Variants in CCL28 observed in about 807,000 individuals in gnomAD.
CCL28 encodes the protein C-C motif chemokine ligand 28, also known as C-C motif chemokine 28.
In CCL28, 4 loss-of-function variants were observed where a neutral mutation model predicts 7.1. That is an observed-to-expected ratio of 0.56 (90% CI 0.28 to 1.29). The LOEUF (loss-of-function observed/expected upper bound fraction) is 1.29. CCL28 is among the 50% of genes most tolerant of loss of function. The pLI is 0.11. For synonymous variants in CCL28, 55 were observed against 57.8 expected, an observed-to-expected ratio of 0.95 and a Z score of 0.22; for missense variants, 151 against 163.4, an observed-to-expected ratio of 0.92 and a Z score of 0.41.
downstream of CCL28, among the ~76,000 whole-genome samples, chr5:43,374,578 C>T (rs1477327316): frequency 6.6e-6 from 1 of 152,062 alleles, no homozygotes; most frequent in Non-Finnish European, 1.5e-5. Context: ...GTCAGAAGTT[C>T]AAGACCAGCC....
chr5:43,404,339 G>A (rs754114393), intron 1 of CCL28, among the ~76,000 whole-genome samples: 2 of 152,226 alleles, frequency 1.3e-5, no homozygotes, highest in Non-Finnish European at 2.9e-5. Context: ...CCAGAAGAGA[G>A]TAGGGGCCAA....
chr5:43,408,504 G>C (rs111867239), intron 1 of CCL28, among the ~76,000 whole-genome samples: 1 of 152,138 alleles, frequency 6.6e-6, no homozygotes, highest in Non-Finnish European at 1.5e-5. Context: ...TGGGGGGAGC[G>C]GGGAGGGATA....
chr5:43,411,950 G>A (rs1741550208), intron 1 of CCL28, among the ~76,000 whole-genome samples: 1 of 152,118 alleles, frequency 6.6e-6, no homozygotes, highest in African/African-American at 2.4e-5. Context: ...CTCTAGCTGG[G>A]GATTTTCTAA....
chr5:43,412,295 T>G lies in CCL28; in HGVS notation c.22A>C (p.Ile8Leu), dbSNP rs760055890. The stretch of plus-strand genomic sequence containing the variant: ...GCCGCACAGACAGCCAAGGCCACGA[T>G]GGCGAGTCCTCTCTGCTGCATTCCT... Reference protein sequence around the residue: MQQRGLAIVALAVCAALH... With the variant: MQQRGLALVALAVCAALH... The change falls in exon 1 of 3, where the codon ATC becomes CTC. Residue 8 changes from isoleucine to leucine, a missense_variant. Ile to Leu is a conservative substitution (Grantham distance 5). Coordinates refer to ENST00000361115, the MANE Select transcript of CCL28 (RefSeq NM_148672.3). 1 of 1,613,144 alleles carries G rather than the reference T, an allele frequency of 6.2e-7. No individual in the cohort carries two copies. The highest frequency in any genetic ancestry group is 8.5e-7 in the Non-Finnish European group (1 of 1,179,546).
chr5:43,388,651 A>C (rs908053178), intron 1 of CCL28, among the ~76,000 whole-genome samples, 175 bp from the exon 2 acceptor site: 2 of 152,228 alleles, frequency 1.3e-5, no homozygotes, highest in Admixed American at 1.3e-4. Flanking sequence ...AATTTAAGCT[A>C]TATTTGTGAA....
At chr5:43,399,309 TATTA>T (rs566096265) in intron 1 of CCL28, among the ~76,000 whole-genome samples, 314 of 152,318 alleles carry the variant, frequency 2.1e-3, no homozygotes, top group African/African-American at 7.1e-3. Context: ...TTCAGGACCT[TATTA>T]ATTGACTTCT....
intron 1 of CCL28, among the ~76,000 whole-genome samples, chr5:43,403,721 G>A (rs1206993224): frequency 2.0e-5 from 3 of 152,188 alleles, no homozygotes; most frequent in Admixed American, 6.5e-5. Flanking sequence ...CGAGCTAAAG[G>A]AGGAAGTTCG....
At chr5:43,374,780 CAA>C (rs10540720), downstream of CCL28, among the ~76,000 whole-genome samples, 53,348 of 109,172 alleles carry the variant, frequency 0.49, 10,580 homozygotes, top group Middle Eastern at 0.54. Flanking sequence ...GACTCTGTCT[CAA>C]AAAAAAAAAA....
chr5:43,367,163 C>T, the CCL28 span, among the ~76,000 whole-genome samples: 1 of 152,222 alleles, frequency 6.6e-6, no homozygotes, highest in South Asian at 2.1e-4. Flanking sequence ...TATTAGCTTG[C>T]TGGGCTCTGT....
At chr5:43,402,221 G>A (rs570395737) in intron 1 of CCL28, among the ~76,000 whole-genome samples, 4 of 152,244 alleles carry the variant, frequency 2.6e-5, no homozygotes, top group African/African-American at 9.6e-5. Flanking sequence ...TGGAATATCT[G>A]CTTTTCCTAC....
Position 43,390,934 on chromosome 5 carries a change from C to T in CCL28, c.65-2458G>A, listed in dbSNP as rs574870702. Among the ~76,000 whole-genome samples the T allele has an allele frequency of 9.2e-5, 14 of 152,258 alleles. No individual in the cohort carries two copies. The South Asian group carries it at 2.7e-3, about 29-fold the overall frequency. ...GTTCCATGGGTAGCATCTGATGTGT[C>T]TATGCAGTGAATTGAAATCAGTATT... On this transcript the variant is annotated intron_variant, in intron 1 of 2. Transcript: ENST00000361115.
chr5:43,397,477 G>A (rs1740861036), intron 1 of CCL28, among the ~76,000 whole-genome samples: 1 of 151,832 alleles, frequency 6.6e-6, no homozygotes, highest in African/African-American at 2.4e-5. Flanking sequence ...AGACGCCCAA[G>A]TACCCTCCTG....
At chr5:43,361,167 C>T in the CCL28 span, among the ~76,000 whole-genome samples, 1 of 152,166 alleles carries the variant, frequency 6.6e-6, no homozygotes, top group South Asian at 2.1e-4. Flanking sequence ...CTTTTTATGG[C>T]TGCATAATAT....
At chr5:43,401,047 CACTCCAGTG>C (rs1485235214) in intron 1 of CCL28, among the ~76,000 whole-genome samples, 3 of 149,544 alleles carry the variant, frequency 2.0e-5, no homozygotes, top group Non-Finnish European at 4.4e-5. Context: ...CACGCCACTG[CACTCCAGTG>C]TGGGCAACAG....
intron 2 of CCL28, among the ~76,000 whole-genome samples, chr5:43,385,071 G>A (rs1032182646): frequency 3.3e-5 from 5 of 152,072 alleles, no homozygotes; most frequent in African/African-American, 1.2e-4. Flanking sequence ...TAATTTTTTT[G>A]TATTTTTAGT....
the CCL28 span, among the ~76,000 whole-genome samples, chr5:43,359,239 C>CT: frequency 6.6e-6 from 1 of 152,168 alleles, no homozygotes; most frequent in Non-Finnish European, 1.5e-5. Flanking sequence ...GACTCATAGC[C>CT]TTCAGAGCTG....
intron 1 of CCL28, among the ~76,000 whole-genome samples, chr5:43,396,469 T>TG (rs1453142312): frequency 6.6e-6 from 1 of 152,168 alleles, no homozygotes; most frequent in African/African-American, 2.4e-5. Flanking sequence ...GTTGCTCTGG[T>TG]TCACTCGCCT....
intron 1 of CCL28, among the ~76,000 whole-genome samples, chr5:43,407,064 G>T (rs1223874347): frequency 6.6e-6 from 1 of 152,192 alleles, no homozygotes; most frequent in Non-Finnish European, 1.5e-5. Context: ...TGGCCATACT[G>T]CCCAAGGTAA....
chr5:43,388,335 C>T lies in CCL28; in HGVS notation c.191+15G>A, dbSNP rs1230047699. On this transcript the variant is annotated intron_variant, in intron 2 of 2. Transcript: ENST00000361115. The stretch of plus-strand genomic sequence containing the variant: ...CACTGTGCAGGTTTAGACCTCCCGG[C>T]TGATGAGCACTCACATGACAGCAGC... 2 of 1,613,866 alleles carry T rather than the reference C, an allele frequency of 1.2e-6. No individual in the cohort carries two copies. The highest frequency in any genetic ancestry group is 2.7e-5 in the African/African-American group (2 of 75,034).
Sources: allele counts gnomAD v4.1 joint callset (sites outside exome capture counted in the v4.1 genomes callset), GRCh38; gene constraint gnomAD v4.1.1; transcripts MANE v1.5; gene names NCBI Gene and HGNC (gene_info 2026-07-23, HGNC 2026-07-21).